DCP1B: variants seen among roughly 807,000 people sequenced by gnomAD.
The protein encoded by DCP1B is decapping mRNA 1B, also known as mRNA-decapping enzyme 1B.
A neutral mutation model predicts 60.5 loss-of-function variants in DCP1B; 47 were observed. The observed-to-expected ratio is 0.78, with a 90% CI of 0.61 to 0.99. The LOEUF (loss-of-function observed/expected upper bound fraction) is 0.99, where lower values mean the gene tolerates loss of function less well. Ranked by LOEUF, DCP1B falls within the 50% of genes least tolerant of loss-of-function variation. The probability of loss-of-function intolerance (pLI) is 0.00; values close to 1 mark genes in which losing one functional copy is unlikely to be tolerated. For synonymous variants in DCP1B, 267 were observed against 280.3 expected (o/e 0.95, Z 0.47); for missense variants, 725 against 756.8 (o/e 0.96, Z 0.49).
rs1163823280 is a variant in DCP1B at position 1,971,557 on chromosome 12, G to C, written c.320-3647C>G. 6.6e-6 allele frequency among the ~76,000 whole-genome samples: 1 copy of C among 152,148 alleles called. No homozygotes were observed. Among genetic ancestry groups the C allele is most frequent in the Non-Finnish European group, 1.5e-5 (1 of 68,008 alleles). On this transcript the variant is annotated intron_variant, in intron 3 of 8. Transcript: ENST00000280665. The surrounding 1 kb of genome is among the most constrained non-coding windows in gnomAD (Gnocchi z 4.2). ...TGTCTGGATTTTTTAGGTCCACAAA[G>C]ACAAGGCAGAGAGCAAGCTGATTAT...
chr12:2,004,196 C>A (rs146792885), intron 1 of DCP1B, 86 bp downstream of exon 1: 8 of 1,564,338 alleles, frequency 5.1e-6, no homozygotes, highest in Non-Finnish European at 6.9e-6. Flanking sequence ...TCTCCTCCCC[C>A]TCACCGGGTC....
Position 1,946,416 on chromosome 12 carries a change from G to A in DCP1B, c.1774-130C>T, listed in dbSNP as rs1426716683. 6.4e-6 allele frequency: 4 copies of A among 629,088 alleles called. No homozygotes were observed. The Admixed American group carries it at 1.1e-4, about 17-fold the overall frequency. 39.0% of individuals were successfully genotyped at this position (629,088 alleles called of 1,614,324 possible). On this transcript the variant is annotated intron_variant, in intron 8 of 8. Coordinates refer to ENST00000280665, the MANE Select transcript of DCP1B (RefSeq NM_152640.5). The stretch of plus-strand genomic sequence containing the variant: ...ATCTCTCCCTGTCTAACAGCTGGTG[G>A]TTTTTAATTGCATGTGTGAATGTTA...
In DCP1B at chr12:1,946,056, A is replaced by G. The variant is rs1365869707; in HGVS notation, c.*150T>C. On this transcript the variant is annotated 3_prime_UTR_variant, in exon 9 of 9. Coordinates refer to ENST00000280665, the MANE Select transcript of DCP1B (RefSeq NM_152640.5). ...TAATAATTAAAAAACACTTGAGTAT[A>G]AAAAAAAGTCTGAAACATTTTACTT... The G allele has an allele frequency of 5.6e-6, 3 of 537,132 alleles. No individual in the cohort carries two copies. The highest frequency in any genetic ancestry group is 9.5e-6 in the Non-Finnish European group (3 of 317,318). 33.3% of individuals were successfully genotyped at this position (537,132 alleles called of 1,614,324 possible).
intron 1 of DCP1B, among the ~76,000 whole-genome samples, chr12:1,999,404 A>G (rs1243848142): frequency 1.3e-5 from 2 of 152,252 alleles, no homozygotes; most frequent in Non-Finnish European, 2.9e-5. Flanking sequence ...TTATTATGGA[A>G]TATGAAATTA....
At chr12:1,981,647 C>A (rs1742161298) in intron 3 of DCP1B, among the ~76,000 whole-genome samples, 1 of 152,084 alleles carries the variant, frequency 6.6e-6, no homozygotes, top group South Asian at 2.1e-4. Context: ...TCGTTACTGC[C>A]AAAACCCAAC....
At chr12:1,991,398 G>A in intron 3 of DCP1B, 29 of 238,988 alleles carry the variant, frequency 1.2e-4, no homozygotes, top group South Asian at 3.7e-4. Flanking sequence ...AAATATGAGG[G>A]GAACCACGAA....
intron 3 of DCP1B, among the ~76,000 whole-genome samples, chr12:1,968,739 T>G (rs958166138): frequency 6.6e-6 from 1 of 152,192 alleles, no homozygotes; most frequent in African/African-American, 2.4e-5. Context: ...GAGAGGCCAC[T>G]GGAAAAAATA....
chr12:1,993,563 C>T (rs2040017636), intron 2 of DCP1B, among the ~76,000 whole-genome samples, 172 bp from the exon 3 acceptor site: 2 of 151,824 alleles, frequency 1.3e-5, no homozygotes, highest in Admixed American at 1.3e-4. Context: ...GGACTAATTC[C>T]CATGTAATGC....
At chr12:1,957,413 A>G (rs1344806834) in intron 5 of DCP1B, among the ~76,000 whole-genome samples, 1 of 152,234 alleles carries the variant, frequency 6.6e-6, no homozygotes, top group Non-Finnish European at 1.5e-5. Flanking sequence ...AAAAGTATAA[A>G]AAGTTTCTAT....
Position 1,997,257 on chromosome 12 carries a change from G to A in DCP1B, c.191+678C>T, listed in dbSNP as rs546397989. Among the ~76,000 whole-genome samples, 15 of 152,288 alleles carry A rather than the reference G, an allele frequency of 9.8e-5. No homozygotes were observed. In the Middle Eastern group the frequency reaches 0.02, roughly 207 times the overall value. On this transcript the variant is annotated intron_variant, in intron 2 of 8. Transcript: ENST00000280665. ...AGAAAAGTGATCAACAGCCAGGTGC[G>A]GTGGCTCACGCCTGTAATCCCAGCA...
chr12:1,973,632 G>A (rs1555198354), intron 3 of DCP1B, among the ~76,000 whole-genome samples: 1 of 152,044 alleles, frequency 6.6e-6, no homozygotes, highest in Non-Finnish European at 1.5e-5. Context: ...ACTACCCTCA[G>A]GTTTACCAAA....
In DCP1B at chr12:1,953,216, C is replaced by G. The variant is rs2030755300; in HGVS notation, c.724G>C (p.Glu242Gln). 3.1e-6 allele frequency: 5 copies of G among 1,607,936 alleles called. No individual in the cohort carries two copies. The highest frequency in any genetic ancestry group is 3.3e-4 in the Middle Eastern group (2 of 6,062). The part of the protein sequence containing the change: ...FGKQDKATCQ[E>Q]TVEPPQTLHQ... ...AGAGTCTGCGGAGGCTCCACAGTTT[C>G]CTGACATGTAGCTTTGTCCTGCTTC... is the stretch of plus-strand genomic sequence containing the variant. The change falls in exon 7 of 9, where the codon GAA (glutamate) becomes CAA (glutamine). Residue 242 changes from glutamate to glutamine, a missense_variant. Coordinates refer to ENST00000280665, the MANE Select transcript of DCP1B (RefSeq NM_152640.5).
intron 3 of DCP1B, among the ~76,000 whole-genome samples, chr12:1,975,704 T>C (rs2034125680): frequency 6.6e-6 from 1 of 152,204 alleles, no homozygotes. Flanking sequence ...GCTGAGAACC[T>C]TAATAGTCTT....
intron 6 of DCP1B, 94 bp from the exon 7 acceptor site, chr12:1,953,382 A>G (rs1345464917): frequency 7.5e-7 from 1 of 1,334,142 alleles, no homozygotes; most frequent in Non-Finnish European, 1.0e-6. Flanking sequence ...GACTTATTCT[A>G]TTTACAAAGG....
rs775685003 is a variant in DCP1B, at chr12:1,946,110, A to G, written c.*96T>C. 3.1e-6 allele frequency: 3 copies of G among 966,920 alleles called. No individual in the cohort carries two copies. The highest frequency in any genetic ancestry group is 4.5e-6 in the Non-Finnish European group (3 of 673,478). 59.9% of individuals were successfully genotyped at this position (966,920 alleles called of 1,614,324 possible). A position where few individuals can be genotyped will look rare whatever the true frequency, so the allele number is the denominator to read the frequency against. ...ATTACACATACTTTTTTTTTAAAAA[A>G]GGCAGAAACATTGAAGGAAACAACA... is the stretch of plus-strand genomic sequence containing the variant. On this transcript the variant is annotated 3_prime_UTR_variant, in exon 9 of 9. Transcript: ENST00000280665.
At chr12:1,952,367 C>G in intron 7 of DCP1B, 49 bp downstream of exon 7, 1 of 1,453,014 alleles carries the variant, frequency 6.9e-7, no homozygotes, top group Non-Finnish European at 9.1e-7. Context: ...GGGACAGGAT[C>G]TTGCTATGCT....
In DCP1B at chr12:1,971,088, G is replaced by GC; in HGVS notation, c.320-3179_320-3178insG. On this transcript the variant is annotated intron_variant, in intron 3 of 8. Coordinates refer to ENST00000280665, the MANE Select transcript of DCP1B (RefSeq NM_152640.5). This position sits in a 1 kb window ranked among gnomAD's most constrained non-coding sequence, Gnocchi z 4.2. Reference sequence around the variant, plus strand: ...ATGCTTCGAGCCTTTGTTCAGCCTGGTACGCCTGCATACCAGCCGCTTCCC... The same window carrying GC: ...ATGCTTCGAGCCTTTGTTCAGCCTGGCTACGCCTGCATACCAGCCGCTTCCC... The GC allele has an allele frequency of 7.8e-7, 1 of 1,289,518 alleles. No individual in the cohort carries two copies. The highest frequency in any genetic ancestry group is 1.0e-6 in the Non-Finnish European group (1 of 988,692). 79.9% of individuals were successfully genotyped at this position (1,289,518 alleles called of 1,614,324 possible).
chr12:1,955,996 T>C (rs560541824), intron 5 of DCP1B, among the ~76,000 whole-genome samples: 1 of 152,180 alleles, frequency 6.6e-6, no homozygotes, highest in Non-Finnish European at 1.5e-5. Flanking sequence ...TTCATCAAAG[T>C]AACTAAATCT....
At chr12:1,998,622 T>C (rs1466666363) in intron 1 of DCP1B, among the ~76,000 whole-genome samples, 6 of 152,156 alleles carry the variant, frequency 3.9e-5, no homozygotes, top group African/African-American at 9.7e-5. Flanking sequence ...CCTGAGAAAA[T>C]CTGGGAGAGG....
Sources: gnomAD v4.1 joint callset for allele counts (sites outside exome capture counted in the v4.1 genomes callset) on GRCh38, gnomAD v4.1.1 for gene constraint, Gnocchi (gnomAD v3.1) non-coding constraint, MANE v1.5 for transcripts, NCBI Gene and HGNC (gene_info 2026-07-23, HGNC 2026-07-21) for gene names.